Variants in KLF8 observed in about 807,000 individuals in gnomAD.
KLF8 encodes KLF transcription factor 8.
A neutral mutation model predicts 18.2 loss-of-function variants in KLF8; 10 were observed. That is an observed-to-expected ratio of 0.55 (90% confidence interval 0.34 to 0.93). The LOEUF (loss-of-function observed/expected upper bound fraction) is 0.93. Ranked by LOEUF, KLF8 falls within the 40% of genes least tolerant of loss-of-function variation. KLF8 has a pLI of 0.02. For missense variants in KLF8, 264 were observed against 277.9 expected (o/e 0.95, Z 0.36); for synonymous variants, 109 against 97.3 (o/e 1.12, Z -0.71).
chrX:56,163,018 A>G, the KLF8 span, among the ~76,000 whole-genome samples: 6 of 112,198 alleles, frequency 5.3e-5, no homozygotes, highest in African/African-American at 1.9e-4. Flanking sequence ...GGTGGATTCT[A>G]TGTCTTTGCT....
chrX:56,052,701 G>A, the KLF8 span, among the ~76,000 whole-genome samples: 1 of 112,234 alleles, frequency 8.9e-6, no homozygotes, highest in African/African-American at 3.2e-5. Context: ...TAAGTCTGCA[G>A]AGGTGACTGC....
At chrX:56,284,286 C>T (rs1014606297) in intron 5 of KLF8, 27 bp from the exon 6 acceptor site, 3 of 1,062,299 alleles carry the variant, frequency 2.8e-6, no homozygotes, top group South Asian at 2.5e-5. Context: ...CTCTGATTCT[C>T]TTTTTTTTGT....
chrX:56,028,419 G>A, the KLF8 span, among the ~76,000 whole-genome samples: 5 of 111,486 alleles, frequency 4.5e-5, no homozygotes, highest in Non-Finnish European at 9.4e-5. Context: ...CTGACCCCAG[G>A]CTGTGCTCCC....
chrX:56,189,114 C>G, the KLF8 span, among the ~76,000 whole-genome samples: 2 of 111,526 alleles, frequency 1.8e-5, no homozygotes, highest in Non-Finnish European at 3.8e-5. Context: ...TTTTTGCAAT[C>G]TACTCATCTG....
At chrX:56,072,957 T>C in the KLF8 span, among the ~76,000 whole-genome samples, 1 of 109,242 alleles carries the variant, frequency 9.2e-6, no homozygotes, top group Non-Finnish European at 1.9e-5. Context: ...ACAATATTTT[T>C]ACATTTGCAT....
the KLF8 span, among the ~76,000 whole-genome samples, chrX:56,053,544 G>GT: frequency 0.01 from 701 of 68,673 alleles, 7 homozygotes; most frequent in African/African-American, 0.052. Flanking sequence ...TCTTTTCTTT[G>GT]TTTTTTTTTT....
At chrX:56,075,469 G>A in the KLF8 span, among the ~76,000 whole-genome samples, 6 of 111,386 alleles carry the variant, frequency 5.4e-5, no homozygotes, top group Admixed American at 9.6e-5. Context: ...TCGCATCATG[G>A]AACATGAGAT....
At chrX:55,961,754 T>C in the KLF8 span, 1 of 338,741 alleles carries the variant, frequency 3.0e-6, no homozygotes, top group Middle Eastern at 9.0e-4. Context: ...CCCCAAGACT[T>C]GGTGTTTGAC....
chrX:55,947,325 A>G, the KLF8 span, among the ~76,000 whole-genome samples: 1 of 110,081 alleles, frequency 9.1e-6, no homozygotes, highest in Non-Finnish European at 1.9e-5. Context: ...TGATGAGTTC[A>G]TGTCCTTTGT....
intron 1 of KLF8, among the ~76,000 whole-genome samples, chrX:56,246,492 A>T (rs908303582): frequency 6.3e-5 from 7 of 111,797 alleles, no homozygotes; most frequent in African/African-American, 2.3e-4. Flanking sequence ...GTGACCTGGT[A>T]CTATAATTAT....
At chrX:56,030,586 C>T in the KLF8 span, among the ~76,000 whole-genome samples, 1 of 110,486 alleles carries the variant, frequency 9.1e-6, no homozygotes, top group African/African-American at 3.3e-5. Context: ...TCATCTATCC[C>T]AGTATATTGC....
At chrX:56,089,080 A>G in the KLF8 span, among the ~76,000 whole-genome samples, 2 of 111,106 alleles carry the variant, frequency 1.8e-5, no homozygotes, top group African/African-American at 6.5e-5. Context: ...CTAGTTTTAT[A>G]AAGTCATCCC....
chrX:56,182,592 T>G, the KLF8 span, among the ~76,000 whole-genome samples: 3 of 112,465 alleles, frequency 2.7e-5, no homozygotes, highest in South Asian at 1.1e-3. Context: ...TCTCCCCATC[T>G]TTGTGGTTTT....
intron 1 of KLF8, among the ~76,000 whole-genome samples, chrX:56,242,184 C>A (rs977569627): frequency 9.8e-5 from 11 of 112,176 alleles, no homozygotes; most frequent in Middle Eastern, 4.6e-3. Flanking sequence ...TTCATTCTGG[C>A]GTATTTATTT....
the KLF8 span, among the ~76,000 whole-genome samples, chrX:56,101,887 C>T: frequency 9.0e-6 from 1 of 111,590 alleles, no homozygotes; most frequent in African/African-American, 3.3e-5. Flanking sequence ...TGTTTTCTCC[C>T]ATTCTGTAGG....
the KLF8 span, among the ~76,000 whole-genome samples, chrX:56,025,822 G>A: frequency 9.0e-6 from 1 of 111,686 alleles, no homozygotes; most frequent in East Asian, 2.8e-4. Flanking sequence ...ATATAAACAT[G>A]TTCCTTTTGG....
At chrX:56,037,840 A>C in the KLF8 span, among the ~76,000 whole-genome samples, 1 of 111,738 alleles carries the variant, frequency 8.9e-6, no homozygotes, top group Admixed American at 9.5e-5. Context: ...CATTGGACAC[A>C]GTTGTTATAA....
the KLF8 span, among the ~76,000 whole-genome samples, chrX:55,930,167 T>C: frequency 8.9e-6 from 1 of 112,081 alleles, no homozygotes; most frequent in Non-Finnish European, 1.9e-5. Flanking sequence ...GTTTCACTCA[T>C]GATTTGGCTC....
At chrX:56,243,919 A>T (rs1370981910) in intron 1 of KLF8, among the ~76,000 whole-genome samples, 2 of 111,686 alleles carry the variant, frequency 1.8e-5, no homozygotes, top group Non-Finnish European at 3.8e-5. Context: ...CAATGGTGAC[A>T]GGTGTGAGCC....
Sources: allele counts gnomAD v4.1 joint callset (sites outside exome capture counted in the v4.1 genomes callset), GRCh38; gene constraint gnomAD v4.1.1; transcripts MANE v1.5; gene names NCBI Gene and HGNC (gene_info 2026-07-23, HGNC 2026-07-21).